Variants in STRBP observed in about 807,000 individuals in gnomAD.
The protein encoded by STRBP is spermatid perinuclear RNA-binding protein.
In STRBP, 13 loss-of-function variants were observed where a neutral mutation model predicts 80.1. The ratio of observed to expected loss-of-function variants is 0.16; its 90% CI spans 0.11 to 0.26. The LOEUF is 0.26. STRBP is among the 10% of genes least tolerant of loss of function. The pLI is 1.00. For missense variants in STRBP, 485 were observed against 815.2 expected, an observed-to-expected ratio of 0.59 and a Z score of 4.93; for synonymous variants, 284 against 291.2, an observed-to-expected ratio of 0.98 and a Z score of 0.25.
chr9:123,130,296 A>G (rs908733293), intron 17 of STRBP, among the ~76,000 whole-genome samples: 1 of 152,190 alleles, frequency 6.6e-6, no homozygotes. Context: ...AATGGTATAT[A>G]ACCTATTCAT....
At chr9:123,133,941 A>G (rs777595247) in intron 16 of STRBP, among the ~76,000 whole-genome samples, 3 of 152,216 alleles carry the variant, frequency 2.0e-5, no homozygotes, top group Non-Finnish European at 4.4e-5. Context: ...GTGGATAATG[A>G]TACCCACTTT....
chr9:123,198,151 ATTTTTTT>A (rs2039174314), intron 2 of STRBP, among the ~76,000 whole-genome samples: 2 of 149,638 alleles, frequency 1.3e-5, no homozygotes, highest in Non-Finnish European at 3.0e-5. Flanking sequence ...TTTATTTTTT[ATTTTTTT>A]GAGACAGAGT....
intron 2 of STRBP, among the ~76,000 whole-genome samples, chr9:123,222,065 G>T (rs12379683): frequency 0.14 from 20,694 of 151,934 alleles, 1,933 homozygotes; most frequent in Middle Eastern, 0.21. Flanking sequence ...TTATCACCTG[G>T]CAATCTTCTG....
At chr9:123,221,722 T>C (rs933555298) in intron 2 of STRBP, among the ~76,000 whole-genome samples, 2 of 152,226 alleles carry the variant, frequency 1.3e-5, no homozygotes, top group Admixed American at 6.5e-5. Context: ...CTCTGATTGT[T>C]TCTTCATTTC....
At chr9:123,254,490 A>G (rs960329897) in intron 1 of STRBP, among the ~76,000 whole-genome samples, 14 of 151,602 alleles carry the variant, frequency 9.2e-5, no homozygotes, top group Non-Finnish European at 1.8e-4. Context: ...GAAAGAACAA[A>G]AAAGAAATCT....
chr9:123,187,140 GAT>G (rs1461621771), intron 2 of STRBP, among the ~76,000 whole-genome samples: 3 of 151,736 alleles, frequency 2.0e-5, no homozygotes, highest in Admixed American at 6.6e-5. Context: ...AGCATAAACA[GAT>G]AACACAACCT....
At chr9:123,200,930 T>C (rs2039302972) in intron 2 of STRBP, among the ~76,000 whole-genome samples, 1 of 151,674 alleles carries the variant, frequency 6.6e-6, no homozygotes, top group East Asian at 1.9e-4. Context: ...ATTGGTCTGT[T>C]CAAGGTTTTA....
intron 6 of STRBP, among the ~76,000 whole-genome samples, chr9:123,167,948 C>A (rs1047820645): frequency 6.6e-6 from 1 of 151,836 alleles, no homozygotes; most frequent in East Asian, 1.9e-4. Flanking sequence ...ATGACAAAAT[C>A]TCATATAAGT....
intron 6 of STRBP, among the ~76,000 whole-genome samples, chr9:123,165,279 C>CAAA (rs568070749): frequency 2.0e-5 from 1 of 50,924 alleles, no homozygotes; most frequent in East Asian, 5.2e-4. Flanking sequence ...GACTCCATCT[C>CAAA]AAAAAAAAAA....
chr9:123,229,026 T>C (rs910625503), intron 2 of STRBP, among the ~76,000 whole-genome samples: 17 of 152,172 alleles, frequency 1.1e-4, no homozygotes, highest in African/African-American at 4.1e-4. Context: ...CACTCATACA[T>C]GTTATAATAC....
At chr9:123,185,815 C>T (rs1361129794) in intron 2 of STRBP, among the ~76,000 whole-genome samples, 1 of 152,054 alleles carries the variant, frequency 6.6e-6, no homozygotes, top group Non-Finnish European at 1.5e-5. Context: ...CAGTTCTAGA[C>T]CATCCTGGCT....
chr9:123,135,839 A>G, intron 16 of STRBP: 1 of 518,774 alleles, frequency 1.9e-6, no homozygotes, highest in South Asian at 2.6e-5. Context: ...ATGTACATAT[A>G]TATTTTGTTT....
chr9:123,210,021 T>A (rs1015023393), intron 2 of STRBP, among the ~76,000 whole-genome samples: 1 of 152,204 alleles, frequency 6.6e-6, no homozygotes, highest in Non-Finnish European at 1.5e-5. Flanking sequence ...TGAATCTAGC[T>A]TTTAAGAGAG....
At position 123,264,464 on chromosome 9, in the gene STRBP, A is replaced by G. The variant is rs565983014; in HGVS notation, c.-302+3972T>C. ...TAATCCACCTAATGGTAAATTACGA[A>G]GTACTAACATTTGACCAGTCTAAAA... is the stretch of plus-strand genomic sequence containing the variant. On this transcript the variant is annotated intron_variant, in intron 1 of 18. Transcript: ENST00000348403. 2.0e-5 allele frequency among the ~76,000 whole-genome samples: 3 copies of G among 152,368 alleles called. No homozygotes were observed. The East Asian group carries it at 5.8e-4, about 29-fold the overall frequency.
At chr9:123,148,028 A>G (rs1357743214) in intron 11 of STRBP, among the ~76,000 whole-genome samples, 158 bp from the exon 12 acceptor site, 2 of 152,204 alleles carry the variant, frequency 1.3e-5, no homozygotes, top group East Asian at 3.8e-4. Context: ...TTTATAATCT[A>G]GAAAAGCAAA....
At chr9:123,118,875 T>A (rs1168338553), downstream of STRBP, among the ~76,000 whole-genome samples, 3 of 152,202 alleles carry the variant, frequency 2.0e-5, no homozygotes, top group Admixed American at 6.5e-5. Flanking sequence ...CACAAAGGAA[T>A]GGAAGATAAG....
At chr9:123,138,073 GAAAT>G (rs1370800634) in intron 14 of STRBP, among the ~76,000 whole-genome samples, 1 of 152,126 alleles carries the variant, frequency 6.6e-6, no homozygotes, top group Non-Finnish European at 1.5e-5. Flanking sequence ...TTTAAACGAA[GAAAT>G]AAATAAGGGC....
At chr9:123,193,862 C>G (rs189534039) in intron 2 of STRBP, among the ~76,000 whole-genome samples, 1 of 152,244 alleles carries the variant, frequency 6.6e-6, no homozygotes, top group East Asian at 1.9e-4. Context: ...CATCATTAAC[C>G]ATGTACCATT....
At chr9:123,264,468 C>T (rs2132661677) in intron 1 of STRBP, among the ~76,000 whole-genome samples, 1 of 152,348 alleles carries the variant, frequency 6.6e-6, no homozygotes, top group Non-Finnish European at 1.5e-5. Flanking sequence ...TTACGAAGTA[C>T]TAACATTTGA....
Sources: allele counts gnomAD v4.1 joint callset (sites outside exome capture counted in the v4.1 genomes callset), GRCh38; gene constraint gnomAD v4.1.1; transcripts MANE v1.5; gene names NCBI Gene and HGNC (gene_info 2026-07-23, HGNC 2026-07-21).